The following RAPGEF5 variants were observed in gnomAD, a reference collection of about 807,000 sequenced individuals.
RAPGEF5 encodes Rap guanine nucleotide exchange factor 5.
Under a neutral mutation model 125.2 loss-of-function variants are expected in RAPGEF5, and 65 were observed. That is an observed-to-expected ratio of 0.52 (90% CI 0.43 to 0.64). RAPGEF5 has a LOEUF of 0.64. Among genes scored for constraint, RAPGEF5 ranks in the 30% least tolerant of loss-of-function variants. The pLI is 0.00. For missense variants in RAPGEF5, 958 were observed against 1,048.1 expected, an observed-to-expected ratio of 0.91 and a Z score of 1.19; for synonymous variants, 391 against 385.9, an observed-to-expected ratio of 1.01 and a Z score of -0.16.
intron 17 of RAPGEF5, 27 bp from the exon 18 acceptor site, chr7:22,150,531 A>AAAT: frequency 7.3e-7 from 1 of 1,372,998 alleles, no homozygotes; most frequent in Non-Finnish European, 9.9e-7. Flanking sequence ...AAAAAAAAAA[A>AAAT]GGAATAATCA....
intron 7 of RAPGEF5, among the ~76,000 whole-genome samples, chr7:22,265,865 T>A (rs73280139): frequency 9.1e-4 from 139 of 152,320 alleles, no homozygotes; most frequent in African/African-American, 3.1e-3. Context: ...GGCCTCCACC[T>A]CTGCAAATAT....
chr7:22,310,097 A>G lies in RAPGEF5; in HGVS notation c.390-7T>C, dbSNP rs940026466. On this transcript the variant is annotated splice_polypyrimidine_tract_variant and splice_region_variant and intron_variant, in intron 3 of 25. Coordinates refer to ENST00000665637, the MANE Select transcript of RAPGEF5 (RefSeq NM_012294.5). ...TGACCCAACGCAGCTCCTCCTGAAC[A>G]AAAGCAAAGCCATTCACAGTAAGAT... The G allele has an allele frequency of 1.3e-6, 2 of 1,550,602 alleles. No homozygotes were observed. The highest frequency in any genetic ancestry group is 1.4e-5 in the African/African-American group (1 of 71,112).
At chr7:22,348,144 T>C (rs1318022146) in intron 1 of RAPGEF5, among the ~76,000 whole-genome samples, 5 of 152,192 alleles carry the variant, frequency 3.3e-5, no homozygotes, top group Non-Finnish European at 5.9e-5. Context: ...ACAAGCCCTC[T>C]GAAATGAGAT....
At chr7:22,351,204 T>C (rs530295054) in intron 1 of RAPGEF5, among the ~76,000 whole-genome samples, 5 of 152,268 alleles carry the variant, frequency 3.3e-5, no homozygotes, top group African/African-American at 9.6e-5. Context: ...AGGCTGATCT[T>C]GAGCTATTTT....
chr7:22,182,195 C>G (rs1784694820), intron 11 of RAPGEF5, among the ~76,000 whole-genome samples: 1 of 152,136 alleles, frequency 6.6e-6, no homozygotes, highest in Admixed American at 6.5e-5. Flanking sequence ...AAAATTCAGA[C>G]AAGGACATCT....
chr7:22,274,809 C>T (rs1384686092), intron 6 of RAPGEF5, among the ~76,000 whole-genome samples: 2 of 152,170 alleles, frequency 1.3e-5, no homozygotes, highest in Non-Finnish European at 2.9e-5. Context: ...TCATTCTCTA[C>T]TCTGCAGTCA....
intron 8 of RAPGEF5, among the ~76,000 whole-genome samples, chr7:22,228,496 G>C (rs570608804): frequency 2.0e-5 from 3 of 151,916 alleles, no homozygotes; most frequent in South Asian, 4.2e-4. Context: ...CTTGCCCAAA[G>C]GTTTTTTGTT....
rs1193223226 is a variant in RAPGEF5 at position 22,193,441 on chromosome 7, G to A, written c.1130C>T (p.Ser377Phe). Residue 377 changes from serine (S) to phenylalanine (F), a missense_variant, in exon 11 of 26, where the codon TCC becomes TTC. Ser to Phe is a radical substitution (Grantham distance 155). Coordinates refer to ENST00000665637, the MANE Select transcript of RAPGEF5 (RefSeq NM_012294.5). ...AESHWRYVVV[S>F]GTPEKILEHL... Reference sequence around the variant, plus strand: ...CTCCAAAATCTTCTCCGGGGTCCCGGACACCACCACATATCTGTCAGAGAG... The same window carrying A: ...CTCCAAAATCTTCTCCGGGGTCCCGAACACCACCACATATCTGTCAGAGAG... The A allele has an allele frequency of 6.3e-7, 1 of 1,592,730 alleles. No homozygotes were observed. Among genetic ancestry groups the A allele is most frequent in the Non-Finnish European group, 8.6e-7 (1 of 1,168,896 alleles).
chr7:22,185,794 G>A (rs1308759267), intron 11 of RAPGEF5, among the ~76,000 whole-genome samples: 2 of 152,054 alleles, frequency 1.3e-5, no homozygotes, highest in African/African-American at 4.8e-5. Context: ...GCTGGAGTTT[G>A]TGCTAATGAA....
At chr7:22,350,523 C>G (rs996574817) in intron 1 of RAPGEF5, among the ~76,000 whole-genome samples, 3 of 152,104 alleles carry the variant, frequency 2.0e-5, no homozygotes, top group African/African-American at 7.2e-5. Flanking sequence ...ATGGAAAAAC[C>G]TGATCCACTG....
intron 7 of RAPGEF5, among the ~76,000 whole-genome samples, chr7:22,240,419 T>G (rs1786299909): frequency 6.6e-6 from 1 of 152,050 alleles, no homozygotes; most frequent in Admixed American, 6.5e-5. Flanking sequence ...TCACGCAGGC[T>G]GGCATGCAGT....
intron 11 of RAPGEF5, among the ~76,000 whole-genome samples, chr7:22,185,751 C>G (rs59147151): frequency 7.0e-4 from 107 of 152,308 alleles, no homozygotes; most frequent in African/African-American, 2.0e-3. Flanking sequence ...AACAGTGGTA[C>G]TCTTCATCTG....
chr7:22,216,632 T>C (rs1785645463), intron 9 of RAPGEF5, among the ~76,000 whole-genome samples: 1 of 152,180 alleles, frequency 6.6e-6, no homozygotes, highest in South Asian at 2.1e-4. Flanking sequence ...AACAACTCAA[T>C]GTTAACTCTA....
rs118134347 is a variant in RAPGEF5, at chr7:22,324,906, C to T, written c.232-6869G>A. Among the ~76,000 whole-genome samples, 454 of 152,198 alleles carry T rather than the reference C, an allele frequency of 3.0e-3. 22 individuals carry two copies. The East Asian group carries it at 0.072, about 24-fold the overall frequency. On this transcript the variant is annotated intron_variant, in intron 1 of 25. Transcript: ENST00000665637. Reference sequence around the variant, plus strand: ...GCTCACAGTGTTCCAAGTCTTTAACCTAGTGATCCACACCTTCCTTACCTG... The same window carrying T: ...GCTCACAGTGTTCCAAGTCTTTAACTTAGTGATCCACACCTTCCTTACCTG...
At chr7:22,335,770 T>G (rs535041275) in intron 1 of RAPGEF5, among the ~76,000 whole-genome samples, 1 of 151,822 alleles carries the variant, frequency 6.6e-6, no homozygotes, top group Non-Finnish European at 1.5e-5. Context: ...ATATCACCAT[T>G]TAGTCATTTA....
At chr7:22,268,900 G>A (rs1345055890) in intron 6 of RAPGEF5, among the ~76,000 whole-genome samples, 2 of 152,120 alleles carry the variant, frequency 1.3e-5, no homozygotes, top group Non-Finnish European at 2.9e-5. Flanking sequence ...TTTTCAAAGA[G>A]TTGACAGAGA....
chr7:22,200,364 AAG>A (rs1785248627), intron 9 of RAPGEF5, among the ~76,000 whole-genome samples: 1 of 152,234 alleles, frequency 6.6e-6, no homozygotes, highest in African/African-American at 2.4e-5. Context: ...AGAAATGATT[AAG>A]AGAGAGATTA....
chr7:22,298,344 AT>A (rs1783115055), intron 5 of RAPGEF5, among the ~76,000 whole-genome samples: 1 of 151,412 alleles, frequency 6.6e-6, no homozygotes, highest in Non-Finnish European at 1.5e-5. Flanking sequence ...CGCCTGGCTA[AT>A]TTTTTCATAT....
intron 9 of RAPGEF5, among the ~76,000 whole-genome samples, chr7:22,215,435 T>A (rs1174494993): frequency 6.6e-6 from 1 of 152,214 alleles, no homozygotes; most frequent in African/African-American, 2.4e-5. Flanking sequence ...CAAACTCCTA[T>A]GTGTCTCTCT....
Sources: allele counts gnomAD v4.1 joint callset (sites outside exome capture counted in the v4.1 genomes callset), GRCh38; gene constraint gnomAD v4.1.1; transcripts MANE v1.5; gene names NCBI Gene and HGNC (gene_info 2026-07-23, HGNC 2026-07-21).